The following CHRM2 variants were observed in gnomAD, a reference collection of about 807,000 sequenced individuals.
CHRM2 encodes the protein muscarinic acetylcholine receptor M2.
CHRM2 carries 8 observed loss-of-function variants against 25.0 expected under a neutral mutation model. The observed-to-expected ratio is 0.32, with a 90% CI of 0.19 to 0.58. The LOEUF (loss-of-function observed/expected upper bound fraction) is 0.58, where lower values mean the gene tolerates loss of function less well. Among genes scored for constraint, CHRM2 ranks in the 20% least tolerant of loss-of-function variants. CHRM2 has a pLI of 0.88. For missense variants in CHRM2, 440 were observed against 567.1 expected (o/e 0.78, Z 2.28); for synonymous variants, 202 against 205.7 (o/e 0.98, Z 0.15).
At chr7:136,998,652 T>C (rs1803769177) in intron 3 of CHRM2, among the ~76,000 whole-genome samples, 1 of 152,166 alleles carries the variant, frequency 6.6e-6, no homozygotes, top group Non-Finnish European at 1.5e-5. Context: ...TAATATCACA[T>C]GCACATGCCT....
intron 2 of CHRM2, among the ~76,000 whole-genome samples, chr7:136,926,081 A>T (rs1038535721): frequency 1.3e-5 from 2 of 152,112 alleles, no homozygotes; most frequent in African/African-American, 4.8e-5. Context: ...TACTAAAAAT[A>T]CAAAAAATTA....
chr7:136,963,727 C>T (rs1270997481), intron 2 of CHRM2, among the ~76,000 whole-genome samples: 1 of 152,108 alleles, frequency 6.6e-6, no homozygotes, highest in Non-Finnish European at 1.5e-5. Flanking sequence ...AAAAATGACG[C>T]CCAGGTCCCA....
Position 136,938,464 on chromosome 7 carries a change from A to T in CHRM2, c.-124-53723A>T, listed in dbSNP as rs181493951. ...GGTCTTGATCTGCTCCTTCCCCTGGATGCGCACGGCCTGGATGTTGGGGTT... is the reference window on the plus strand; with the variant it reads ...GGTCTTGATCTGCTCCTTCCCCTGGTTGCGCACGGCCTGGATGTTGGGGTT... On this transcript the variant is annotated intron_variant, in intron 2 of 3. Transcript: ENST00000680005. 65 of 1,172,278 alleles carry T rather than the reference A, an allele frequency of 5.5e-5. No homozygotes were observed. The African/African-American group carries it at 9.3e-4, about 17-fold the overall frequency. The allele number at this position is 1,172,278 out of a possible 1,614,324, so 72.6% of individuals were successfully genotyped here. A position where few individuals can be genotyped will look rare whatever the true frequency, so the allele number is the denominator to read the frequency against.
At chr7:136,979,321 G>A (rs1380158410) in intron 2 of CHRM2, among the ~76,000 whole-genome samples, 2 of 152,156 alleles carry the variant, frequency 1.3e-5, no homozygotes, top group Admixed American at 1.3e-4. Flanking sequence ...ATTTGTTTAA[G>A]TTCCTTAGAG....
chr7:136,900,926 C>A (rs966557726), intron 2 of CHRM2, among the ~76,000 whole-genome samples: 1 of 151,948 alleles, frequency 6.6e-6, no homozygotes, highest in Non-Finnish European at 1.5e-5. Flanking sequence ...AGAATGTGAG[C>A]TACACACCTC....
intron 2 of CHRM2, among the ~76,000 whole-genome samples, chr7:136,927,041 G>A (rs1458762701): frequency 2.0e-5 from 3 of 152,248 alleles, no homozygotes; most frequent in South Asian, 4.2e-4. Context: ...GTAACAGGAC[G>A]TCAGCTCCTG....
intron 2 of CHRM2, among the ~76,000 whole-genome samples, chr7:136,942,673 A>C (rs1227415364): frequency 6.6e-6 from 1 of 152,042 alleles, no homozygotes; most frequent in African/African-American, 2.4e-5. Context: ...GGGAAGAATA[A>C]CCCCAGGGCA....
At chr7:136,942,239 C>G (rs1799815291) in intron 2 of CHRM2, among the ~76,000 whole-genome samples, 1 of 152,086 alleles carries the variant, frequency 6.6e-6, no homozygotes, top group Non-Finnish European at 1.5e-5. Flanking sequence ...CTCTGAAGGT[C>G]CCCAACATTT....
intron 2 of CHRM2, among the ~76,000 whole-genome samples, chr7:136,938,811 C>T (rs1021647817): frequency 5.9e-5 from 9 of 151,730 alleles, no homozygotes; most frequent in Admixed American, 5.9e-4. Flanking sequence ...TAGCCCTCAG[C>T]CCACCCGCAG....
rs921526947 is a variant in CHRM2, at chr7:137,016,481, C to T, written c.*215C>T. The T allele has an allele frequency of 7.1e-6, 4 of 563,596 alleles. No homozygotes were observed. In the African/African-American group the frequency reaches 7.6e-5, roughly 11 times the overall value. The allele number at this position is 563,596 out of a possible 1,614,324, so 34.9% of individuals were successfully genotyped here. On this transcript the variant is annotated 3_prime_UTR_variant, in exon 4 of 4. Transcript: ENST00000680005. ...ACTGTCAGTATTAGGAGCAATGAGA[C>T]AATGAAAGAAACATGTTGGGATCGT...
chr7:137,000,075 G>T (rs558040010), intron 3 of CHRM2, among the ~76,000 whole-genome samples: 8 of 151,836 alleles, frequency 5.3e-5, no homozygotes, highest in African/African-American at 1.7e-4. Context: ...AACTGTAAAG[G>T]TAATTATTTT....
rs763267712 is a variant in CHRM2 at position 137,012,164 on chromosome 7, A to AC, written c.-46-2655dup. ...TGAATTAATATTAACATTTCATGAA[A>AC]CAGATACACATATAGCTCAACTCCA... is the stretch of plus-strand genomic sequence containing the variant. On this transcript the variant is annotated intron_variant, in intron 3 of 3. Coordinates refer to ENST00000680005, the MANE Select transcript of CHRM2 (RefSeq NM_001006630.2). 5.2e-4 allele frequency among the ~76,000 whole-genome samples: 79 copies of AC among 152,192 alleles called. No individual in the cohort carries two copies. The Middle Eastern group carries it at 0.024, about 46-fold the overall frequency.
At chr7:136,938,794 T>C (rs898297031) in intron 2 of CHRM2, among the ~76,000 whole-genome samples, 2 of 151,536 alleles carry the variant, frequency 1.3e-5, no homozygotes, top group African/African-American at 4.8e-5. Flanking sequence ...CACCTGAAGC[T>C]CAGCCCTAGC....
At chr7:136,913,865 C>A (rs999593820) in intron 2 of CHRM2, among the ~76,000 whole-genome samples, 1 of 151,956 alleles carries the variant, frequency 6.6e-6, no homozygotes, top group Non-Finnish European at 1.5e-5. Flanking sequence ...TTACTACCCC[C>A]ACTTCTGGCT....
At chr7:136,942,706 T>C (rs999031528) in intron 2 of CHRM2, among the ~76,000 whole-genome samples, 1 of 152,136 alleles carries the variant, frequency 6.6e-6, no homozygotes, top group Non-Finnish European at 1.5e-5. Context: ...TCATCTTCTG[T>C]GGTGAAGAGG....
At chr7:136,900,861 T>A (rs2130616650) in intron 2 of CHRM2, among the ~76,000 whole-genome samples, 1 of 152,082 alleles carries the variant, frequency 6.6e-6, no homozygotes. Context: ...GACAGTGGCA[T>A]ATAGACGTCA....
At chr7:137,000,594 A>AAGGAAGGG in intron 3 of CHRM2, among the ~76,000 whole-genome samples, 2 of 150,950 alleles carry the variant, frequency 1.3e-5, no homozygotes, top group South Asian at 2.1e-4. Flanking sequence ...GAAGGAAGGG[A>AAGGAAGGG]AAAAAAGCAA....
At chr7:137,004,459 C>A (rs996672264) in intron 3 of CHRM2, among the ~76,000 whole-genome samples, 19 of 152,000 alleles carry the variant, frequency 1.3e-4, no homozygotes, top group African/African-American at 4.6e-4. Context: ...TTTGGAGAGT[C>A]TGGAGGTAAA....
At chr7:136,974,778 T>C (rs1802006650) in intron 2 of CHRM2, among the ~76,000 whole-genome samples, 2 of 152,190 alleles carry the variant, frequency 1.3e-5, no homozygotes, top group African/African-American at 4.8e-5. Flanking sequence ...AAGAATTATA[T>C]ATTTAAATCC....
Sources: allele counts gnomAD v4.1 joint callset (sites outside exome capture counted in the v4.1 genomes callset), GRCh38; gene constraint gnomAD v4.1.1; transcripts MANE v1.5; gene names NCBI Gene and HGNC (gene_info 2026-07-23, HGNC 2026-07-21).